SASH1: variants seen among roughly 807,000 people sequenced by gnomAD.
SASH1 encodes SAM and SH3 domain containing 1, also known as SAM and SH3 domain-containing protein 1.
SASH1 carries 44 observed loss-of-function variants against 125.2 expected under a neutral mutation model. The observed-to-expected ratio is 0.35, with a 90% CI of 0.28 to 0.45. The LOEUF (loss-of-function observed/expected upper bound fraction) is 0.45, where lower values mean the gene tolerates loss of function less well. Among genes scored for constraint, SASH1 ranks in the 20% least tolerant of loss-of-function variants. SASH1 has a pLI of 1.00. For synonymous variants in SASH1, 639 were observed against 649.1 expected, an observed-to-expected ratio of 0.98 and a Z score of 0.24; for missense variants, 1,426 against 1,614.5, an observed-to-expected ratio of 0.88 and a Z score of 2.00.
At chr6:148,224,916 C>T in the SASH1 span, among the ~76,000 whole-genome samples, 1 of 152,198 alleles carries the variant, frequency 6.6e-6, no homozygotes, top group Non-Finnish European at 1.5e-5. Context: ...CCCAAAAAAT[C>T]TGGGCCTTTG....
chr6:148,427,197 G>A (rs890584458), intron 2 of SASH1, among the ~76,000 whole-genome samples: 20 of 151,998 alleles, frequency 1.3e-4, no homozygotes, highest in African/African-American at 4.8e-4. Flanking sequence ...GAACAGGGAG[G>A]GTGAGAGGAT....
chr6:148,387,645 T>G (rs369802038), intron 1 of SASH1, among the ~76,000 whole-genome samples: 1 of 89,030 alleles, frequency 1.1e-5, no homozygotes, highest in Non-Finnish European at 2.2e-5. Flanking sequence ...TCTTTCTTTC[T>G]TTCTTTCTTT....
chr6:148,533,924 G>A lies in SASH1; in HGVS notation c.1888G>A (p.Gly630Arg). 1.9e-6 allele frequency: 3 copies of A among 1,614,024 alleles called. No homozygotes were observed. The highest frequency in any genetic ancestry group is 1.7e-4 in the Middle Eastern group (1 of 6,058). ...ACGCCCCACCAGGAGGCGTCGGAAA[G>A]GACGACCACCCCAGCCCAAGTCTGT... is the stretch of plus-strand genomic sequence containing the variant. ...PKRPTRRRRK[G>R]RPPQPKSVED... The change falls in exon 15 of 20, where the codon GGA becomes AGA. Residue 630 changes from glycine (G) to arginine (R), a missense_variant. Gly to Arg is a moderately radical substitution (Grantham distance 125). This residue lies in a region of SASH1 where 225 missense variants were observed against 344.5 expected (regional missense o/e 0.65). Coordinates refer to ENST00000367467, the MANE Select transcript of SASH1 (RefSeq NM_015278.5). The surrounding 1 kb of genome is among the most constrained non-coding windows in gnomAD (Gnocchi z 6.2).
intron 2 of SASH1, among the ~76,000 whole-genome samples, chr6:148,396,500 A>G (rs113547819): frequency 2.5e-4 from 38 of 149,186 alleles, no homozygotes; most frequent in African/African-American, 6.9e-4. Flanking sequence ...AAAAAAAAAA[A>G]AAAGAAAGAA....
intron 2 of SASH1, among the ~76,000 whole-genome samples, chr6:148,390,766 C>A (rs564146281): frequency 6.7e-6 from 1 of 148,604 alleles, no homozygotes; most frequent in Non-Finnish European, 1.5e-5. Flanking sequence ...CCAGCCTGGG[C>A]GACAGAGCAA....
chr6:148,514,038 G>A, intron 8 of SASH1: 3 of 1,123,658 alleles, frequency 2.7e-6, no homozygotes, highest in Non-Finnish European at 3.3e-6. Context: ...TCCTAAGAGA[G>A]GACAAGGAAG....
Position 148,539,005 on chromosome 6 carries a change from G to T in SASH1, c.2096-1438G>T, listed in dbSNP as rs146973951. ...ATGTGCCCTTTCTACAACATGCCGG[G>T]TGATGCTGCTAGGGTGTTGAAGGCC... On this transcript the variant is annotated intron_variant, in intron 16 of 19. Transcript: ENST00000367467. Among the ~76,000 whole-genome samples the T allele has an allele frequency of 2.9e-3, 444 of 152,108 alleles. 3 individuals carry two copies. Among genetic ancestry groups the T allele is most frequent in the African/African-American group, 0.01 (423 of 41,480 alleles).
rs1454672292 is a variant in SASH1, at chr6:148,291,776, AT to A, written n.74+19400del. The stretch of plus-strand genomic sequence containing the variant: ...GTTTTAAGTCAAATGAAAACCAAAA[AT>A]AAAAAATAAGAATAAGAAAGCCATA... On this transcript the variant is annotated intron_variant and non_coding_transcript_variant, in intron 1 of 3. Coordinates refer to the SASH1 transcript ENST00000367469. Among the ~76,000 whole-genome samples, 4 of 152,284 alleles carry A rather than the reference AT, an allele frequency of 2.6e-5. No individual in the cohort carries two copies. In the South Asian group the frequency reaches 6.2e-4, roughly 24 times the overall value.
At chr6:148,433,541 G>C (rs1776153378) in intron 2 of SASH1, among the ~76,000 whole-genome samples, 1 of 151,730 alleles carries the variant, frequency 6.6e-6, no homozygotes, top group South Asian at 2.1e-4. Context: ...GAGTAGCTGG[G>C]ACTACAGGTG....
intron 1 of SASH1, among the ~76,000 whole-genome samples, chr6:148,368,470 C>T (rs1347402031): frequency 6.6e-6 from 1 of 152,090 alleles, no homozygotes; most frequent in Non-Finnish European, 1.5e-5. Flanking sequence ...GGGTTTTCAC[C>T]ATGTTGGCCA....
At chr6:148,200,343 C>T in the SASH1 span, among the ~76,000 whole-genome samples, 1 of 152,190 alleles carries the variant, frequency 6.6e-6, no homozygotes, top group Non-Finnish European at 1.5e-5. Context: ...GTTAAAATGA[C>T]ATTGGTTGTT....
the SASH1 span, among the ~76,000 whole-genome samples, chr6:148,208,798 C>A: frequency 1.3e-5 from 2 of 152,210 alleles, no homozygotes; most frequent in South Asian, 4.2e-4. Flanking sequence ...AATAAAGGAC[C>A]AAACAACTAC....
the SASH1 span, among the ~76,000 whole-genome samples, chr6:148,234,935 T>C: frequency 6.6e-6 from 1 of 152,122 alleles, no homozygotes; most frequent in Non-Finnish European, 1.5e-5. Flanking sequence ...AGAAATATTA[T>C]CTAAAATGTA....
At chr6:148,389,196 G>A (rs1164459207) in intron 1 of SASH1, among the ~76,000 whole-genome samples, 2 of 151,940 alleles carry the variant, frequency 1.3e-5, no homozygotes, top group Non-Finnish European at 1.5e-5. Context: ...TACACGAGCC[G>A]GCTAAAGTCT....
intron 1 of SASH1, among the ~76,000 whole-genome samples, chr6:148,280,745 C>T (rs1779316637): frequency 6.6e-6 from 1 of 152,028 alleles, no homozygotes; most frequent in Admixed American, 6.6e-5. Flanking sequence ...GTGGTCAAGG[C>T]CATGGTGAGC....
intron 4 of SASH1, among the ~76,000 whole-genome samples, chr6:148,462,030 CT>C (rs57679608): frequency 1.4e-4 from 21 of 149,220 alleles, no homozygotes; most frequent in Admixed American, 2.7e-4. Flanking sequence ...ATGTGTCAGG[CT>C]TTTTTTTTTA....
the SASH1 span, among the ~76,000 whole-genome samples, chr6:148,249,711 C>A: frequency 6.6e-6 from 1 of 152,186 alleles, no homozygotes; most frequent in Non-Finnish European, 1.5e-5. Flanking sequence ...CTGTTCTAAG[C>A]ACTTTATGTA....
chr6:148,395,751 G>A (rs574549045), intron 2 of SASH1, among the ~76,000 whole-genome samples: 58 of 152,074 alleles, frequency 3.8e-4, no homozygotes, highest in Non-Finnish European at 5.7e-4. Context: ...GTGTTTTTTT[G>A]GCTGGGAGAA....
At chr6:148,241,826 C>A in the SASH1 span, among the ~76,000 whole-genome samples, 1 of 152,142 alleles carries the variant, frequency 6.6e-6, no homozygotes, top group Non-Finnish European at 1.5e-5. Context: ...CAGTACCCAC[C>A]TCGTATGACT....
Sources: allele counts gnomAD v4.1 joint callset (sites outside exome capture counted in the v4.1 genomes callset), GRCh38; gene constraint gnomAD v4.1.1; regional missense constraint gnomAD v4.1.1; non-coding constraint Gnocchi (gnomAD v3.1); transcripts MANE v1.5; gene names NCBI Gene and HGNC (gene_info 2026-07-23, HGNC 2026-07-21).